The following FGF12 variants were observed in gnomAD, a reference collection of about 807,000 sequenced individuals.
FGF12 encodes the protein fibroblast growth factor 12B.
FGF12 carries 14 observed loss-of-function variants against 23.6 expected under a neutral mutation model. That is an observed-to-expected ratio of 0.59 (90% CI 0.39 to 0.93). The LOEUF (loss-of-function observed/expected upper bound fraction) is 0.93. FGF12 is among the 40% of genes least tolerant of loss of function. The pLI is 0.00. For missense variants in FGF12, 175 were observed against 217.8 expected (o/e 0.80, Z 1.24); for synonymous variants, 62 against 77.3 (o/e 0.80, Z 1.04).
Position 192,517,746 on chromosome 3 carries a change from G to T in FGF12, c.14-157208C>A, listed in dbSNP as rs184263335. On this transcript the variant is annotated intron_variant, in intron 2 of 5. Transcript: ENST00000445105. The stretch of plus-strand genomic sequence containing the variant: ...CTACTTTGTAAGTAAGTATGAAAGG[G>T]ACTTGATCAGTAGAATTGTATTACT... Among the ~76,000 whole-genome samples the T allele has an allele frequency of 5.9e-5, 9 of 152,212 alleles. No homozygotes were observed. The East Asian group carries it at 1.7e-3, about 29-fold the overall frequency.
chr3:192,644,982 G>T (rs898702052), intron 2 of FGF12, among the ~76,000 whole-genome samples: 3 of 152,156 alleles, frequency 2.0e-5, no homozygotes, highest in Non-Finnish European at 4.4e-5. Flanking sequence ...TTAAGTAGAT[G>T]GGAGAAAGAG....
At chr3:192,221,246 T>C (rs1718459753) in intron 4 of FGF12, among the ~76,000 whole-genome samples, 1 of 152,216 alleles carries the variant, frequency 6.6e-6, no homozygotes. Flanking sequence ...TTGGTATTTC[T>C]TTTTATTTTA....
chr3:192,309,264 T>C (rs946309890), intron 4 of FGF12, among the ~76,000 whole-genome samples: 2 of 152,198 alleles, frequency 1.3e-5, no homozygotes, highest in African/African-American at 2.4e-5. Flanking sequence ...GCAGAAACCA[T>C]AGCTTGTGTC....
At chr3:192,467,748 A>G (rs1304649211) in intron 2 of FGF12, among the ~76,000 whole-genome samples, 1 of 152,180 alleles carries the variant, frequency 6.6e-6, no homozygotes, top group East Asian at 1.9e-4. Context: ...TGAATGCCCA[A>G]TGCCTCCCTG....
chr3:192,223,097 T>A (rs1224847789), intron 4 of FGF12, among the ~76,000 whole-genome samples: 2 of 152,122 alleles, frequency 1.3e-5, no homozygotes, highest in African/African-American at 4.8e-5. Flanking sequence ...ATGAAAGGGA[T>A]CTTGCAAATG....
At chr3:192,477,326 T>C (rs528823125) in intron 2 of FGF12, among the ~76,000 whole-genome samples, 96 of 152,258 alleles carry the variant, frequency 6.3e-4, no homozygotes, top group Middle Eastern at 6.8e-3. Context: ...AGAGTTCACA[T>C]AGGGGAGACC....
rs867299289 is a variant in FGF12, at chr3:192,718,318, G to A, written c.13+8863C>T. Among the ~76,000 whole-genome samples, 6 of 151,802 alleles carry A rather than the reference G, an allele frequency of 4.0e-5. No homozygotes were observed. In the South Asian group the frequency reaches 6.2e-4, roughly 16 times the overall value. On this transcript the variant is annotated intron_variant, in intron 2 of 5. Transcript: ENST00000445105. ...ACACATATGAGGGTGAAGAAAAGAC[G>A]TTATAAAAACATAATGTACAATCTG...
chr3:192,198,401 G>C (rs1428705143), intron 4 of FGF12, among the ~76,000 whole-genome samples: 1 of 151,344 alleles, frequency 6.6e-6, no homozygotes, highest in African/African-American at 2.4e-5. Flanking sequence ...ACATTAGATT[G>C]AGCATAAAAA....
At chr3:192,400,931 G>C (rs1411092571) in intron 2 of FGF12, among the ~76,000 whole-genome samples, 4 of 152,044 alleles carry the variant, frequency 2.6e-5, no homozygotes, top group African/African-American at 9.7e-5. Context: ...TAGACCAGTG[G>C]TTCTCAAACT....
At position 192,714,513 on chromosome 3, in the gene FGF12, ATTTTT is replaced by A. The variant is rs770781442; in HGVS notation, c.13+12663_13+12667del. 2.9e-3 allele frequency among the ~76,000 whole-genome samples: 286 copies of A among 99,758 alleles called. 1 individual carries two copies. Among genetic ancestry groups the A allele is most frequent in the African/African-American group, 0.011 (270 of 23,684 alleles). The allele number at this position is 99,758 out of a possible 152,430, so 65.4% of individuals were successfully genotyped here. ...CTTATTTATAGATCTTAAGGAAATA[ATTTTT>A]TTTTTTTTTTTTTTTTTTGAGACGG... On this transcript the variant is annotated intron_variant, in intron 2 of 5. Transcript: ENST00000445105.
At chr3:192,522,090 C>G (rs7613295) in intron 2 of FGF12, among the ~76,000 whole-genome samples, 2 of 151,638 alleles carry the variant, frequency 1.3e-5, no homozygotes, top group African/African-American at 4.8e-5. Flanking sequence ...CCCAGCTACT[C>G]GGGAGGCTGA....
intron 2 of FGF12, among the ~76,000 whole-genome samples, chr3:192,720,041 A>G (rs914910117): frequency 1.3e-5 from 2 of 152,236 alleles, no homozygotes; most frequent in Non-Finnish European, 2.9e-5. Flanking sequence ...CCTGCTTGGT[A>G]AAGGACTCTT....
intron 2 of FGF12, among the ~76,000 whole-genome samples, chr3:192,606,141 A>G (rs889520636): frequency 3.9e-5 from 6 of 152,234 alleles, no homozygotes; most frequent in Admixed American, 3.9e-4. Context: ...TCAATGGTGG[A>G]CTGGATAAAG....
At chr3:192,379,004 T>C (rs371822518) in intron 2 of FGF12, among the ~76,000 whole-genome samples, 9 of 152,286 alleles carry the variant, frequency 5.9e-5, no homozygotes, top group African/African-American at 2.2e-4. Context: ...AGTGAGAACA[T>C]GTGGTATTTG....
At chr3:192,325,179 T>G (rs1560070023) in intron 4 of FGF12, among the ~76,000 whole-genome samples, 1 of 152,194 alleles carries the variant, frequency 6.6e-6, no homozygotes, top group Non-Finnish European at 1.5e-5. Flanking sequence ...ATTCCATATT[T>G]TCTTTCTTTT....
chr3:192,313,783 T>A (rs529930368), intron 4 of FGF12, among the ~76,000 whole-genome samples: 1 of 152,306 alleles, frequency 6.6e-6, no homozygotes, highest in African/African-American at 2.4e-5. Context: ...ACTCCCTTTT[T>A]CTCTCTCTCT....
chr3:192,415,472 T>C (rs770970940), intron 2 of FGF12, among the ~76,000 whole-genome samples: 4 of 152,108 alleles, frequency 2.6e-5, no homozygotes, highest in African/African-American at 7.2e-5. Flanking sequence ...TTGAGCCAAA[T>C]AGATGCATGG....
At chr3:192,636,734 G>A (rs139322872) in intron 2 of FGF12, among the ~76,000 whole-genome samples, 164 of 152,296 alleles carry the variant, frequency 1.1e-3, no homozygotes, top group African/African-American at 3.7e-3. Context: ...TGACTTCAGG[G>A]GACTTCTCCC....
chr3:192,379,494 GA>G (rs113027411), intron 2 of FGF12, among the ~76,000 whole-genome samples: 1 of 149,360 alleles, frequency 6.7e-6, no homozygotes, highest in Non-Finnish European at 1.5e-5. Context: ...ACAATAAAAG[GA>G]AAAAAATATA....
Sources: allele counts gnomAD v4.1 joint callset (sites outside exome capture counted in the v4.1 genomes callset), GRCh38; gene constraint gnomAD v4.1.1; transcripts MANE v1.5; gene names NCBI Gene and HGNC (gene_info 2026-07-23, HGNC 2026-07-21).